CAST: variants seen among roughly 807,000 people sequenced by gnomAD.
CAST encodes calpastatin.
A neutral mutation model predicts 119.6 loss-of-function variants in CAST; 76 were observed. The ratio of observed to expected loss-of-function variants is 0.64; its 90% CI spans 0.53 to 0.77. The LOEUF (loss-of-function observed/expected upper bound fraction) is 0.77, where lower values mean the gene tolerates loss of function less well. CAST is among the 30% of genes least tolerant of loss of function. CAST has a pLI of 0.00. For synonymous variants in CAST, 319 were observed against 331.6 expected, an observed-to-expected ratio of 0.96 and a Z score of 0.41; for missense variants, 953 against 946.5, an observed-to-expected ratio of 1.01 and a Z score of -0.09.
chr5:96,457,752 G>A, the CAST span, among the ~76,000 whole-genome samples: 2 of 152,160 alleles, frequency 1.3e-5, no homozygotes, highest in South Asian at 4.1e-4. Context: ...AACCCAGAAT[G>A]AACCGTCACT....
chr5:96,435,863 C>T, the CAST span, among the ~76,000 whole-genome samples: 2 of 152,176 alleles, frequency 1.3e-5, no homozygotes, highest in African/African-American at 4.8e-5. Flanking sequence ...ATCACCATAT[C>T]TCTTTAGTCT....
chr5:96,219,267 T>C, the CAST span, among the ~76,000 whole-genome samples: 1 of 152,222 alleles, frequency 6.6e-6, no homozygotes, highest in African/African-American at 2.4e-5. Flanking sequence ...ACATCTCTTA[T>C]TTTTCTTCCC....
the CAST span, among the ~76,000 whole-genome samples, chr5:96,328,372 CTT>C: frequency 1.8e-3 from 18 of 9,772 alleles, no homozygotes; most frequent in Non-Finnish European, 3.2e-3. Context: ...TCTGTCTTTC[CTT>C]CTCTCTCCCT....
upstream of CAST, among the ~76,000 whole-genome samples, chr5:96,524,285 A>T (rs924205974): frequency 6.6e-6 from 1 of 152,238 alleles, no homozygotes; most frequent in Non-Finnish European, 1.5e-5. Flanking sequence ...GTTGCCAGGT[A>T]TCTGGCAGAT....
chr5:96,252,451 T>C, the CAST span, among the ~76,000 whole-genome samples: 1 of 152,138 alleles, frequency 6.6e-6, no homozygotes, highest in East Asian at 1.9e-4. Flanking sequence ...TACGACTAAA[T>C]GACTATTGAT....
chr5:96,482,012 A>G, the CAST span, among the ~76,000 whole-genome samples: 5 of 152,204 alleles, frequency 3.3e-5, no homozygotes, highest in African/African-American at 1.2e-4. Context: ...TCACTCTTAC[A>G]TGAGCATGGT....
the CAST span, among the ~76,000 whole-genome samples, chr5:96,274,514 G>A: frequency 6.6e-6 from 1 of 152,162 alleles, no homozygotes; most frequent in Non-Finnish European, 1.5e-5. Context: ...TCATAAATTT[G>A]AGGATGAAAT....
At chr5:96,153,460 G>A in the CAST span, among the ~76,000 whole-genome samples, 1 of 152,220 alleles carries the variant, frequency 6.6e-6, no homozygotes, top group African/African-American at 2.4e-5. Flanking sequence ...TCTGGTGCAG[G>A]ATGGAGCTTG....
At chr5:96,065,917 T>C in the CAST span, among the ~76,000 whole-genome samples, 1 of 152,158 alleles carries the variant, frequency 6.6e-6, no homozygotes, top group African/African-American at 2.4e-5. Flanking sequence ...TTTCCAACAA[T>C]TGAAGGGGAG....
the CAST span, among the ~76,000 whole-genome samples, chr5:96,067,133 A>G: frequency 6.6e-6 from 1 of 152,212 alleles, no homozygotes; most frequent in Non-Finnish European, 1.5e-5. Context: ...TCAGGTTCCT[A>G]TAATGTCAGG....
chr5:96,738,959 C>A (rs1370762749), intron 11 of CAST, among the ~76,000 whole-genome samples: 1 of 150,232 alleles, frequency 6.7e-6, no homozygotes, highest in Non-Finnish European at 1.5e-5. Flanking sequence ...AAAAGACACG[C>A]CATAGGCTAG....
At chr5:96,410,741 C>T in the CAST span, 3 of 1,536,804 alleles carry the variant, frequency 2.0e-6, no homozygotes, top group Middle Eastern at 1.7e-4. Context: ...GCTCTCCTAA[C>T]TAAGCAGAGA....
chr5:96,598,445 G>T (rs1288254370), intron 1 of CAST, among the ~76,000 whole-genome samples: 1 of 152,072 alleles, frequency 6.6e-6, no homozygotes, highest in African/African-American at 2.4e-5. Context: ...CCTCTCAGCT[G>T]CCCTGTCTCT....
At chr5:96,425,980 G>A in the CAST span, 1 of 1,014,654 alleles carries the variant, frequency 9.9e-7, no homozygotes, top group African/African-American at 1.6e-5. Context: ...ATCTACCTCT[G>A]TATACTTCCT....
intron 1 of CAST, among the ~76,000 whole-genome samples, chr5:96,607,963 G>C (rs1747291967): frequency 1.3e-5 from 2 of 152,082 alleles, no homozygotes; most frequent in South Asian, 4.1e-4. Flanking sequence ...TGTGGTGAGA[G>C]CATACAAAAT....
intron 1 of CAST, among the ~76,000 whole-genome samples, chr5:96,637,548 C>T (rs1292584995): frequency 1.3e-5 from 2 of 152,014 alleles, no homozygotes; most frequent in East Asian, 1.9e-4. Context: ...TTCAAGCACC[C>T]GAAAGTGACA....
intron 1 of CAST, among the ~76,000 whole-genome samples, 163 bp downstream of exon 1, chr5:96,662,660 G>A (rs1748707257): frequency 6.6e-6 from 1 of 152,020 alleles, no homozygotes; most frequent in Non-Finnish European, 1.5e-5. Context: ...CCAGGCAGGT[G>A]GCTGCAGGTG....
At chr5:96,323,481 G>A in the CAST span, among the ~76,000 whole-genome samples, 1 of 152,104 alleles carries the variant, frequency 6.6e-6, no homozygotes, top group Non-Finnish European at 1.5e-5. Context: ...CAAGTATCGG[G>A]AGCTGCAAAG....
chr5:96,191,353 G>C, the CAST span, among the ~76,000 whole-genome samples: 41,205 of 152,010 alleles, frequency 0.27, 5,741 homozygotes, highest in East Asian at 0.33. Flanking sequence ...ATTGTTCTAA[G>C]TACTTTACAT....
Sources: allele counts gnomAD v4.1 joint callset (sites outside exome capture counted in the v4.1 genomes callset), GRCh38; gene constraint gnomAD v4.1.1; transcripts MANE v1.5; gene names NCBI Gene and HGNC (gene_info 2026-07-23, HGNC 2026-07-21).